Variants in TBCK observed in about 807,000 individuals in gnomAD.
TBCK encodes TBC domain-containing protein kinase-like protein.
TBCK carries 99 observed loss-of-function variants against 113.4 expected under a neutral mutation model. The observed-to-expected ratio is 0.87, with a 90% CI of 0.74 to 1.03. TBCK has a LOEUF of 1.03. Ranked by LOEUF, TBCK falls within the 50% of genes least tolerant of loss-of-function variation. The pLI, the probability that TBCK is intolerant of heterozygous loss-of-function variation, is 0.00. For missense variants in TBCK, 1,045 were observed against 1,061.3 expected (o/e 0.98, Z 0.21); for synonymous variants, 369 against 370.8 (o/e 1.00, Z 0.05).
chr4:106,299,618 T>C (rs1354869354), intron 2 of TBCK, among the ~76,000 whole-genome samples: 1 of 152,084 alleles, frequency 6.6e-6, no homozygotes, highest in Non-Finnish European at 1.5e-5. Context: ...GATAATGGAG[T>C]GTATACCAAA....
At position 106,137,304 on chromosome 4, in the gene TBCK, T is replaced by C. The variant is rs557449600; in HGVS notation, c.2236-20926A>G. ...ATGCTGAGAAAAATCTTAAATTGTA[T>C]AATATTAATAAGACTTGTAAAAACA... is the stretch of plus-strand genomic sequence containing the variant. On this transcript the variant is annotated intron_variant, in intron 23 of 25. Coordinates refer to ENST00000394708, the MANE Select transcript of TBCK (RefSeq NM_001163435.3). Among the ~76,000 whole-genome samples, 4 of 140,996 alleles carry C rather than the reference T, an allele frequency of 2.8e-5. No individual in the cohort carries two copies. In the South Asian group the frequency reaches 9.7e-4, roughly 34 times the overall value. 92.5% of individuals were successfully genotyped at this position (140,996 alleles called of 152,430 possible).
chr4:106,211,061 G>A (rs907019147), intron 20 of TBCK, among the ~76,000 whole-genome samples: 2 of 152,072 alleles, frequency 1.3e-5, no homozygotes, highest in African/African-American at 4.8e-5. Flanking sequence ...TCAAGCATAA[G>A]CCACCGCACC....
In TBCK at chr4:106,225,447, A is replaced by G. The variant is rs566863174; in HGVS notation, c.1774+4916T>C. Among the ~76,000 whole-genome samples, 11 of 152,192 alleles carry G rather than the reference A, an allele frequency of 7.2e-5. No individual in the cohort carries two copies. The East Asian group carries it at 2.1e-3, about 29-fold the overall frequency. On this transcript the variant is annotated intron_variant, in intron 19 of 25. Transcript: ENST00000394708. ...GATAAAATTGATCAAACTAAAGAAC[A>G]GTCTTTTTGGTCTTTTTTTTGTTTG...
At chr4:106,067,582 T>C (rs1197065275) in intron 25 of TBCK, among the ~76,000 whole-genome samples, 1 of 152,182 alleles carries the variant, frequency 6.6e-6, no homozygotes, top group African/African-American at 2.4e-5. Context: ...TCCAAGGTTA[T>C]GAAGATTTAT....
At chr4:106,257,866 A>C (rs1316529976) in intron 5 of TBCK, among the ~76,000 whole-genome samples, 2 of 152,082 alleles carry the variant, frequency 1.3e-5, no homozygotes, top group Non-Finnish European at 2.9e-5. Flanking sequence ...ACATTAAATA[A>C]AAATAAAAAA....
At chr4:106,316,355 A>G (rs557544879), upstream of TBCK, 1 of 580,556 alleles carries the variant, frequency 1.7e-6, no homozygotes, top group Non-Finnish European at 3.1e-6. Context: ...GTGCGGGGGG[A>G]CGGGGGGGGT....
At chr4:106,247,405 A>G (rs1760962550) in intron 9 of TBCK, 118 bp from the exon 10 acceptor site, 3 of 891,332 alleles carry the variant, frequency 3.4e-6, no homozygotes, top group Non-Finnish European at 5.2e-6. Flanking sequence ...ACAGAAAATA[A>G]TACAGCTCTC....
chr4:106,252,838 C>A (rs2150069080), intron 5 of TBCK, among the ~76,000 whole-genome samples: 1 of 152,166 alleles, frequency 6.6e-6, no homozygotes, highest in South Asian at 2.1e-4. Flanking sequence ...CCAAGTTGCC[C>A]TTTGGGGAGG....
At chr4:106,176,122 C>T (rs1751637699) in intron 22 of TBCK, among the ~76,000 whole-genome samples, 1 of 151,990 alleles carries the variant, frequency 6.6e-6, no homozygotes, top group Non-Finnish European at 1.5e-5. Context: ...GTGTAATGAT[C>T]AAAACAGGGT....
chr4:106,071,086 T>C (rs1367112628), intron 25 of TBCK, among the ~76,000 whole-genome samples: 2 of 152,210 alleles, frequency 1.3e-5, no homozygotes, highest in African/African-American at 2.4e-5. Flanking sequence ...GTTTTTTGTT[T>C]CTCTATCTCC....
At chr4:106,102,700 A>T (rs1489355859) in intron 24 of TBCK, among the ~76,000 whole-genome samples, 2 of 152,198 alleles carry the variant, frequency 1.3e-5, no homozygotes, top group East Asian at 3.8e-4. Context: ...TTAGGCAAAG[A>T]CTTCCCATTT....
At chr4:106,075,980 T>C (rs1403365297) in intron 25 of TBCK, among the ~76,000 whole-genome samples, 1 of 152,212 alleles carries the variant, frequency 6.6e-6, no homozygotes, top group Non-Finnish European at 1.5e-5. Flanking sequence ...CGGAGCTCAC[T>C]GAGTTAAGGG....
At chr4:106,125,682 C>G (rs764104937) in intron 23 of TBCK, among the ~76,000 whole-genome samples, 1 of 151,714 alleles carries the variant, frequency 6.6e-6, no homozygotes, top group African/African-American at 2.4e-5. Flanking sequence ...GAGAGTAGAA[C>G]AGTAGTTGCT....
intron 19 of TBCK, among the ~76,000 whole-genome samples, chr4:106,225,812 T>G (rs1463305560): frequency 6.6e-6 from 1 of 152,028 alleles, no homozygotes; most frequent in Non-Finnish European, 1.5e-5. Flanking sequence ...CTACAGTCTC[T>G]AATTTAATAA....
At chr4:106,268,698 T>A (rs1192276807) in intron 3 of TBCK, among the ~76,000 whole-genome samples, 2 of 152,080 alleles carry the variant, frequency 1.3e-5, no homozygotes, top group African/African-American at 2.4e-5. Context: ...AACAGGATAA[T>A]CTTGTTAATA....
chr4:106,069,296 T>C (rs1737071220), intron 25 of TBCK, among the ~76,000 whole-genome samples: 1 of 152,242 alleles, frequency 6.6e-6, no homozygotes, highest in Admixed American at 6.5e-5. Flanking sequence ...TTTAAGTCTT[T>C]CATCCATCTG....
chr4:106,042,162 A>C lies in TBCK; in HGVS notation c.*4408T>G, dbSNP rs1418764937. The C allele has an allele frequency of 6.6e-6, 1 of 152,206 alleles. No individual in the cohort carries two copies. The highest frequency in any genetic ancestry group is 6.5e-5 in the Admixed American group (1 of 15,280). 9.4% of individuals were successfully genotyped at this position (152,206 alleles called of 1,614,324 possible). A position where few individuals can be genotyped will look rare whatever the true frequency, so the allele number is the denominator to read the frequency against. ...TCATAAATATTACCATTTTGCTTCC[A>C]ATCTGATTTAATCAACATTTATCAA... On this transcript the variant is annotated 3_prime_UTR_variant, in exon 26 of 26. Coordinates refer to ENST00000394708, the MANE Select transcript of TBCK (RefSeq NM_001163435.3).
At chr4:106,268,517 A>G (rs1763187196) in intron 3 of TBCK, among the ~76,000 whole-genome samples, 1 of 152,140 alleles carries the variant, frequency 6.6e-6, no homozygotes, top group South Asian at 2.1e-4. Flanking sequence ...TCTACCACTA[A>G]TAGAATAACA....
intron 3 of TBCK, among the ~76,000 whole-genome samples, chr4:106,292,823 C>T (rs547152671): frequency 1.3e-5 from 2 of 152,306 alleles, no homozygotes; most frequent in East Asian, 3.9e-4. Context: ...ACATATTCAA[C>T]CTGCTCAACA....
Sources: gnomAD v4.1 joint callset for allele counts (sites outside exome capture counted in the v4.1 genomes callset) on GRCh38, gnomAD v4.1.1 for gene constraint, MANE v1.5 for transcripts, NCBI Gene and HGNC (gene_info 2026-07-23, HGNC 2026-07-21) for gene names.